NELL1: variants seen among roughly 807,000 people sequenced by gnomAD.
The protein encoded by NELL1 is neural EGFL like 1.
A neutral mutation model predicts 107.4 loss-of-function variants in NELL1; 76 were observed. The ratio of observed to expected loss-of-function variants is 0.71; its 90% CI spans 0.59 to 0.86. NELL1 has a LOEUF of 0.86. NELL1 is among the 40% of genes least tolerant of loss of function. The pLI is 0.00. For missense variants in NELL1, 1,024 were observed against 1,005.5 expected, an observed-to-expected ratio of 1.02 and a Z score of -0.25; for synonymous variants, 353 against 341.2, an observed-to-expected ratio of 1.03 and a Z score of -0.38.
At chr11:21,314,233 C>T (rs1266183302) in intron 14 of NELL1, among the ~76,000 whole-genome samples, 2 of 152,058 alleles carry the variant, frequency 1.3e-5, no homozygotes, top group African/African-American at 2.4e-5. Context: ...ATGGGTTGAT[C>T]CATTCATGGC....
At chr11:21,289,591 G>T (rs6483758) in intron 14 of NELL1, among the ~76,000 whole-genome samples, 3 of 152,224 alleles carry the variant, frequency 2.0e-5, no homozygotes, top group South Asian at 4.1e-4. Flanking sequence ...TGGCAGTTTG[G>T]GCAGACAGGG....
At chr11:20,721,730 A>G (rs574746853) in intron 2 of NELL1, among the ~76,000 whole-genome samples, 2 of 152,302 alleles carry the variant, frequency 1.3e-5, no homozygotes, top group South Asian at 2.1e-4. Flanking sequence ...GTTCGGGGAG[A>G]TAGTAGACAG....
At chr11:21,083,366 A>T (rs1854313163) in intron 12 of NELL1, among the ~76,000 whole-genome samples, 1 of 152,186 alleles carries the variant, frequency 6.6e-6, no homozygotes, top group African/African-American at 2.4e-5. Context: ...CTTTACTGCT[A>T]AATTTCCTTT....
intron 15 of NELL1, among the ~76,000 whole-genome samples, chr11:21,465,909 C>T (rs573006175): frequency 3.3e-5 from 5 of 152,156 alleles, no homozygotes; most frequent in Non-Finnish European, 7.4e-5. Flanking sequence ...ATTTCTTATG[C>T]GTCTTCAGCT....
intron 15 of NELL1, among the ~76,000 whole-genome samples, chr11:21,513,538 G>A (rs1362343782): frequency 2.0e-5 from 3 of 152,118 alleles, no homozygotes; most frequent in African/African-American, 7.2e-5. Flanking sequence ...GATGGAAAAG[G>A]AGGAACTGCA....
chr11:21,248,992 T>C (rs886344423), intron 14 of NELL1, among the ~76,000 whole-genome samples: 4 of 152,146 alleles, frequency 2.6e-5, no homozygotes, highest in Non-Finnish European at 5.9e-5. Flanking sequence ...AGGGATAAGG[T>C]TGAACCAGAT....
intron 2 of NELL1, among the ~76,000 whole-genome samples, chr11:20,706,620 T>A (rs560012708): frequency 6.6e-6 from 1 of 151,838 alleles, no homozygotes; most frequent in African/African-American, 2.4e-5. Flanking sequence ...TGTATACATA[T>A]GTAACAAACC....
intron 2 of NELL1, among the ~76,000 whole-genome samples, chr11:20,767,534 G>A (rs1441462834): frequency 6.6e-6 from 1 of 152,146 alleles, no homozygotes; most frequent in Non-Finnish European, 1.5e-5. Flanking sequence ...TTTTTACAGA[G>A]TGCTGATTGG....
At chr11:20,692,223 T>G in intron 2 of NELL1, among the ~76,000 whole-genome samples, 1 of 152,070 alleles carries the variant, frequency 6.6e-6, no homozygotes, top group Non-Finnish European at 1.5e-5. Flanking sequence ...TGTTGATCCT[T>G]TCAAAAAACC....
chr11:20,952,009 G>A (rs1027056334), intron 11 of NELL1, among the ~76,000 whole-genome samples: 6 of 151,198 alleles, frequency 4.0e-5, no homozygotes, highest in Admixed American at 4.0e-4. Flanking sequence ...TATAGACCCA[G>A]CAGAAAAAGA....
chr11:21,101,745 T>C (rs1590636954), intron 12 of NELL1, among the ~76,000 whole-genome samples: 2 of 152,360 alleles, frequency 1.3e-5, no homozygotes, highest in African/African-American at 4.8e-5. Context: ...ATTAGCCCTT[T>C]GTCAGATGAG....
At chr11:21,425,976 A>T (rs1169341561) in intron 15 of NELL1, among the ~76,000 whole-genome samples, 1 of 152,174 alleles carries the variant, frequency 6.6e-6, no homozygotes, top group Non-Finnish European at 1.5e-5. Flanking sequence ...TAGCTAAAAG[A>T]GTGAAATATG....
At chr11:21,151,413 G>A (rs958305256) in intron 13 of NELL1, among the ~76,000 whole-genome samples, 3 of 152,100 alleles carry the variant, frequency 2.0e-5, no homozygotes, top group Non-Finnish European at 4.4e-5. Flanking sequence ...ATGTATGTAT[G>A]GAGTGTGTGT....
intron 17 of NELL1, among the ~76,000 whole-genome samples, chr11:21,567,485 T>C (rs1411725223): frequency 1.3e-5 from 2 of 151,832 alleles, no homozygotes; most frequent in Non-Finnish European, 2.9e-5. Flanking sequence ...TGTATATGTG[T>C]GTGTGTATAA....
At chr11:21,527,241 ACCT>A (rs1227810869) in intron 15 of NELL1, among the ~76,000 whole-genome samples, 1 of 152,104 alleles carries the variant, frequency 6.6e-6, no homozygotes, top group Non-Finnish European at 1.5e-5. Flanking sequence ...ATCTGAGACC[ACCT>A]CAGCCTGGAC....
At chr11:21,087,014 A>G (rs1051691436) in intron 12 of NELL1, among the ~76,000 whole-genome samples, 1 of 151,422 alleles carries the variant, frequency 6.6e-6, no homozygotes, top group African/African-American at 2.4e-5. Context: ...AATTTTTCGT[A>G]TTTTTTAGTA....
chr11:21,160,198 G>T (rs1264486599), intron 13 of NELL1, among the ~76,000 whole-genome samples: 1 of 152,194 alleles, frequency 6.6e-6, no homozygotes, highest in Non-Finnish European at 1.5e-5. Context: ...AAAGCTTCAG[G>T]GGGTAATTTA....
intron 15 of NELL1, 51 bp from the exon 16 acceptor site, chr11:21,534,323 G>T (rs1357631898): frequency 8.1e-6 from 13 of 1,608,596 alleles, no homozygotes; most frequent in Non-Finnish European, 1.1e-5. Flanking sequence ...TGAAAGGTTA[G>T]TGTCAAAAGA....
At chr11:21,384,056 T>C (rs1210080952) in intron 15 of NELL1, 2 of 151,992 alleles carry the variant, frequency 1.3e-5, no homozygotes, top group East Asian at 3.9e-4. Flanking sequence ...TTTTAAAATA[T>C]ATCTTAAATC....
Sources: gnomAD v4.1 joint callset for allele counts (sites outside exome capture counted in the v4.1 genomes callset) on GRCh38, gnomAD v4.1.1 for gene constraint, MANE v1.5 for transcripts, NCBI Gene and HGNC (gene_info 2026-07-23, HGNC 2026-07-21) for gene names.